Variants in NF1 observed in about 807,000 individuals in gnomAD.
The protein encoded by NF1 is neurofibromin.
A neutral mutation model predicts 325.7 loss-of-function variants in NF1; 122 were observed. The observed-to-expected ratio is 0.37, with a 90% CI of 0.32 to 0.44. The LOEUF (loss-of-function observed/expected upper bound fraction) is 0.44, where lower values mean the gene tolerates loss of function less well. NF1 is among the 20% of genes least tolerant of loss of function. NF1 has a pLI of 1.00. For synonymous variants in NF1, 1,091 were observed against 1,186.0 expected (o/e 0.92, Z 1.65); for missense variants, 2,140 against 3,415.4 (o/e 0.63, Z 9.31).
intron 51 of NF1, among the ~76,000 whole-genome samples, chr17:31,352,750 CAG>C (rs1438040489): frequency 6.6e-6 from 1 of 152,048 alleles, no homozygotes; most frequent in African/African-American, 2.4e-5. Context: ...TTGCTGCACT[CAG>C]GGGATTTAAT....
At chr17:31,318,173 G>A in intron 36 of NF1, 1 of 1,164,272 alleles carries the variant, frequency 8.6e-7, no homozygotes, top group Admixed American at 2.6e-5. Context: ...TGTCTCACCT[G>A]CTTGATTCTA....
At position 31,155,743 on chromosome 17, in the gene NF1, A is replaced by G. The variant is rs185008215; in HGVS notation, c.61-240A>G. Among the ~76,000 whole-genome samples, 3 of 152,328 alleles carry G rather than the reference A, an allele frequency of 2.0e-5. No individual in the cohort carries two copies. The East Asian group carries it at 5.8e-4, about 29-fold the overall frequency. On this transcript the variant is annotated intron_variant, in intron 1 of 57. Coordinates refer to ENST00000358273, the MANE Select transcript of NF1 (RefSeq NM_001042492.3). The stretch of plus-strand genomic sequence containing the variant: ...GAAAGCTGCAAAAATGGAAGTTTCC[A>G]AAGAATTTAAGATTTGCTATAATAA...
chr17:31,265,802 C>A (rs951720554), intron 36 of NF1, among the ~76,000 whole-genome samples: 2 of 152,076 alleles, frequency 1.3e-5, no homozygotes, highest in African/African-American at 4.8e-5. Context: ...TGAAAAATCT[C>A]TATGAAGATG....
chr17:31,318,266 C>T (rs1424151852), intron 36 of NF1: 2 of 1,563,766 alleles, frequency 1.3e-6, no homozygotes, highest in Non-Finnish European at 1.7e-6. Context: ...ATTTTTACTC[C>T]ATAAGCCTTC....
intron 36 of NF1, among the ~76,000 whole-genome samples, chr17:31,314,901 C>G (rs1035746964): frequency 7.2e-5 from 11 of 152,134 alleles, no homozygotes; most frequent in African/African-American, 2.7e-4. Context: ...AGTGGTTTTA[C>G]TGATTTACAT....
At chr17:31,247,449 A>G (rs2067414717) in intron 29 of NF1, among the ~76,000 whole-genome samples, 2 of 152,164 alleles carry the variant, frequency 1.3e-5, no homozygotes, top group Non-Finnish European at 2.9e-5. Context: ...GCAGTTCAAG[A>G]TAGGGGAAAC....
At chr17:31,148,481 A>T (rs1320967630) in intron 1 of NF1, among the ~76,000 whole-genome samples, 1 of 151,524 alleles carries the variant, frequency 6.6e-6, no homozygotes, top group Non-Finnish European at 1.5e-5. Context: ...GTCGTTCAAG[A>T]TTACAACTGA....
At chr17:31,215,275 C>G (rs1597699207) in intron 13 of NF1, among the ~76,000 whole-genome samples, 1 of 152,158 alleles carries the variant, frequency 6.6e-6, no homozygotes, top group Admixed American at 6.5e-5. Context: ...GCCCCCATGC[C>G]TGGCTAGTAG....
At chr17:31,237,825 A>G (rs911342905) in intron 29 of NF1, among the ~76,000 whole-genome samples, 6 of 152,142 alleles carry the variant, frequency 3.9e-5, no homozygotes, top group African/African-American at 9.7e-5. Context: ...TAAGTTTACT[A>G]TACAAAGTGC....
chr17:31,318,512 G>A lies in NF1; in HGVS notation c.4836-7308G>A, dbSNP rs781007135. 5.0e-6 allele frequency: 8 copies of A among 1,613,900 alleles called. No individual in the cohort carries two copies. The African/African-American group carries it at 5.3e-5, about 11-fold the overall frequency. On this transcript the variant is annotated intron_variant, in intron 36 of 57. Transcript: ENST00000358273. ...TGACGCTTGCCTACTTGTTTTGATC[G>A]TCTGAGAGAAGAGACTTTGTTTGCC...
intron 15 of NF1, 65 bp from the exon 16 acceptor site, chr17:31,223,379 T>C: frequency 1.3e-6 from 2 of 1,576,664 alleles, no homozygotes; most frequent in Non-Finnish European, 1.7e-6. Context: ...GCCATTCTTA[T>C]GTCTGGTTAT....
In NF1 at chr17:31,261,724, G is replaced by T. The variant is rs2151466215; in HGVS notation, c.4591G>T (p.Val1531Phe). 1 of 1,612,100 alleles carries T rather than the reference G, an allele frequency of 6.2e-7. No individual in the cohort carries two copies. Residue 1531 changes from valine to phenylalanine, a missense_variant, in exon 35 of 58, where the codon GTT (valine) becomes TTT (phenylalanine). This residue lies in a region of NF1 where 103 missense variants were observed against 214.6 expected (regional missense o/e 0.48). Transcript: ENST00000358273. ...YLSSNRDHKA[V>F]GRRPFDKMAT... Reference sequence around the variant, plus strand: ...TGCTGTATCTAGGGATCATAAAGCTGTTGGAAGACGACCTTTTGATAAGAT... The same window carrying T: ...TGCTGTATCTAGGGATCATAAAGCTTTTGGAAGACGACCTTTTGATAAGAT...
chr17:31,364,372 T>C (rs1004721690), intron 57 of NF1, among the ~76,000 whole-genome samples: 14 of 152,256 alleles, frequency 9.2e-5, no homozygotes, highest in African/African-American at 3.4e-4. Context: ...AATCCTTTGC[T>C]ATAAATGTTT....
intron 53 of NF1, 77 bp from the exon 54 acceptor site, chr17:31,357,192 C>G (rs2070293425): frequency 6.3e-7 from 1 of 1,590,458 alleles, no homozygotes; most frequent in Non-Finnish European, 8.6e-7. Context: ...ATACAGTCTT[C>G]TACTTCTCAC....
intron 1 of NF1, among the ~76,000 whole-genome samples, chr17:31,109,101 T>C (rs1361363406): frequency 6.6e-6 from 1 of 152,222 alleles, no homozygotes; most frequent in Non-Finnish European, 1.5e-5. Flanking sequence ...TTAAATTAAG[T>C]CCATAGTATT....
At chr17:31,364,712 C>T (rs1050853952) in intron 57 of NF1, among the ~76,000 whole-genome samples, 4 of 152,156 alleles carry the variant, frequency 2.6e-5, no homozygotes, top group African/African-American at 7.2e-5. Context: ...ATAAAAGTAC[C>T]TAAATGGTTG....
chr17:31,231,538 G>T (rs1005304571), intron 24 of NF1, among the ~76,000 whole-genome samples: 2 of 152,064 alleles, frequency 1.3e-5, no homozygotes, highest in African/African-American at 4.8e-5. Flanking sequence ...AGATGCTCAA[G>T]TCCCTGACTT....
intron 14 of NF1, among the ~76,000 whole-genome samples, chr17:31,219,878 G>T (rs1282958577): frequency 1.3e-5 from 2 of 151,912 alleles, no homozygotes. Context: ...TTTATGTTGT[G>T]GTATGAATCA....
intron 4 of NF1, 36 bp downstream of exon 4, chr17:31,163,412 A>C: frequency 6.3e-7 from 1 of 1,589,180 alleles, no homozygotes; most frequent in East Asian, 2.2e-5. Context: ...TACTGAAGTA[A>C]TATGAATATT....
Sources: allele counts gnomAD v4.1 joint callset (sites outside exome capture counted in the v4.1 genomes callset), GRCh38; gene constraint gnomAD v4.1.1; regional missense constraint gnomAD v4.1.1; transcripts MANE v1.5; gene names NCBI Gene and HGNC (gene_info 2026-07-23, HGNC 2026-07-21).